The following SLC35F3 variants were observed in gnomAD, a reference collection of about 807,000 sequenced individuals.
SLC35F3 encodes putative thiamine transporter SLC35F3.
In SLC35F3, 25 loss-of-function variants were observed where a neutral mutation model predicts 49.9. The ratio of observed to expected loss-of-function variants is 0.50; its 90% confidence interval spans 0.37 to 0.70. The LOEUF (loss-of-function observed/expected upper bound fraction) is 0.70. SLC35F3 is among the 30% of genes least tolerant of loss of function. The pLI is 0.00. For missense variants in SLC35F3, 525 were observed against 639.8 expected, an observed-to-expected ratio of 0.82 and a Z score of 1.94; for synonymous variants, 275 against 265.4, an observed-to-expected ratio of 1.04 and a Z score of -0.35.
chr1:234,160,261 G>A (rs903667283), intron 2 of SLC35F3, among the ~76,000 whole-genome samples: 16 of 152,152 alleles, frequency 1.1e-4, no homozygotes, highest in Admixed American at 2.6e-4. Flanking sequence ...TTCCACTGCC[G>A]TTAATGTTGA....
chr1:234,002,481 A>G (rs1338160606), intron 2 of SLC35F3, among the ~76,000 whole-genome samples: 1 of 152,170 alleles, frequency 6.6e-6, no homozygotes, highest in African/African-American at 2.4e-5. Context: ...ACTGTCTCAC[A>G]GTAGGAATTT....
intron 6 of SLC35F3, 126 bp from the exon 7 acceptor site, chr1:234,319,972 G>A (rs1657578199): frequency 1.5e-6 from 1 of 675,372 alleles, no homozygotes; most frequent in Non-Finnish European, 2.7e-6. Context: ...CTGAATCAGA[G>A]CAGAGGGTCA....
At chr1:234,230,683 C>T (rs1667353655) in intron 2 of SLC35F3, among the ~76,000 whole-genome samples, 1 of 152,218 alleles carries the variant, frequency 6.6e-6, no homozygotes. Context: ...GCCTGGTTTC[C>T]AGAAATCACA....
chr1:234,090,724 A>T (rs75862018), intron 2 of SLC35F3, among the ~76,000 whole-genome samples: 2,748 of 152,310 alleles, frequency 0.018, 44 homozygotes, highest in Non-Finnish European at 0.028. Context: ...GTTCCTGCAC[A>T]GGCCTAGTTG....
At chr1:234,072,634 G>A (rs1161990630) in intron 2 of SLC35F3, among the ~76,000 whole-genome samples, 1 of 152,176 alleles carries the variant, frequency 6.6e-6, no homozygotes, top group Admixed American at 6.5e-5. Flanking sequence ...AAAGGGGTGG[G>A]GGGCTGTGGA....
intron 2 of SLC35F3, among the ~76,000 whole-genome samples, chr1:234,137,788 G>C (rs1167385017): frequency 6.6e-6 from 1 of 152,200 alleles, no homozygotes; most frequent in South Asian, 2.1e-4. Context: ...AGGAGAGACA[G>C]GGTCTCCACT....
chr1:234,003,722 G>C (rs1000400457), intron 2 of SLC35F3, among the ~76,000 whole-genome samples: 5 of 152,164 alleles, frequency 3.3e-5, no homozygotes, highest in African/African-American at 1.2e-4. Context: ...GCTAAGGGAA[G>C]TTGTCATGGA....
At chr1:234,166,620 C>G (rs988474768) in intron 2 of SLC35F3, among the ~76,000 whole-genome samples, 1 of 152,102 alleles carries the variant, frequency 6.6e-6, no homozygotes, top group African/African-American at 2.4e-5. Flanking sequence ...GAAGAGAGGA[C>G]CAGGTGGCCC....
At chr1:234,182,432 A>T (rs1159831136) in intron 2 of SLC35F3, among the ~76,000 whole-genome samples, 2 of 152,204 alleles carry the variant, frequency 1.3e-5, no homozygotes, top group Non-Finnish European at 2.9e-5. Flanking sequence ...AGAGACCCTG[A>T]TCTGGGCTCT....
At chr1:234,183,901 C>A (rs777072251) in intron 2 of SLC35F3, among the ~76,000 whole-genome samples, 3 of 123,626 alleles carry the variant, frequency 2.4e-5, no homozygotes, top group Non-Finnish European at 5.1e-5. Context: ...TGTTGAATAC[C>A]TGCTATGTGC....
chr1:234,231,296 C>T lies in SLC35F3; in HGVS notation c.284-121C>T. ...ACAGCCGCCCTGGAAGCCGCCCCTG[C>T]ACCCGCTATCTCCCCGGGCCCCCAG... is the stretch of plus-strand genomic sequence containing the variant. On this transcript the variant is annotated intron_variant, in intron 2 of 7. Transcript: ENST00000366618. The surrounding 1 kb of genome is among the most constrained non-coding windows in gnomAD (Gnocchi z 5.4). 2.4e-6 allele frequency: 2 copies of T among 820,192 alleles called. No homozygotes were observed. Among genetic ancestry groups the T allele is most frequent in the Non-Finnish European group, 3.7e-6 (2 of 542,036 alleles). The allele number at this position is 820,192 out of a possible 1,614,324, so 50.8% of individuals were successfully genotyped here. A position where few individuals can be genotyped will look rare whatever the true frequency, so the allele number is the denominator to read the frequency against.
At chr1:234,182,750 A>AT (rs145829454) in intron 2 of SLC35F3, among the ~76,000 whole-genome samples, 8,003 of 152,038 alleles carry the variant, frequency 0.053, 685 homozygotes, top group African/African-American at 0.18. Flanking sequence ...AAACTTTGGG[A>AT]TTTTTTCCAA....
intron 2 of SLC35F3, among the ~76,000 whole-genome samples, chr1:234,069,544 C>T (rs1298505358): frequency 6.6e-6 from 1 of 152,108 alleles, no homozygotes; most frequent in Non-Finnish European, 1.5e-5. Flanking sequence ...CATGAGCCAC[C>T]GCACCCGGCT....
intron 2 of SLC35F3, among the ~76,000 whole-genome samples, chr1:233,923,508 A>G (rs1028362311): frequency 1.3e-5 from 2 of 152,174 alleles, no homozygotes; most frequent in African/African-American, 4.8e-5. Flanking sequence ...GTATCCTGAG[A>G]CTTTGCTGAA....
intron 2 of SLC35F3, among the ~76,000 whole-genome samples, chr1:233,941,585 G>GTTTTGTGGGGTTCAAAAAACCAA (rs1291822800): frequency 7.2e-5 from 11 of 152,106 alleles, no homozygotes; most frequent in Admixed American, 2.6e-4. Flanking sequence ...GTTAATTAAA[G>GTTTTGTGGGGTTCAAAAAACCAA]TTTTGTGGGG....
chr1:234,282,649 C>T (rs935118848), intron 3 of SLC35F3, among the ~76,000 whole-genome samples: 1 of 152,190 alleles, frequency 6.6e-6, no homozygotes, highest in Non-Finnish European at 1.5e-5. Flanking sequence ...GTGTGAGCTG[C>T]TCTCACCCAG....
chr1:234,219,101 T>C (rs1667165179), intron 2 of SLC35F3, among the ~76,000 whole-genome samples: 1 of 137,246 alleles, frequency 7.3e-6, no homozygotes, highest in Non-Finnish European at 1.5e-5. Flanking sequence ...ATAACTAATA[T>C]AACTCAGTGG....
chr1:234,172,598 C>T lies in SLC35F3; in HGVS notation c.284-58819C>T, dbSNP rs144749672. Among the ~76,000 whole-genome samples, 175 of 152,284 alleles carry T rather than the reference C, an allele frequency of 1.1e-3. 3 individuals are homozygous for T. The East Asian group carries it at 0.022, about 19-fold the overall frequency. On this transcript the variant is annotated intron_variant, in intron 2 of 7. Coordinates refer to ENST00000366618, the MANE Select transcript of SLC35F3 (RefSeq NM_173508.4). ...TCATTCTGAGAAACGCATCTCTAGG[C>T]GACTTCATCATTGTGCAAACATCAT...
chr1:234,316,669 A>G lies in SLC35F3; in HGVS notation c.896A>G (p.His299Arg). The change falls in exon 5 of 8, where the codon CAC becomes CGC. Residue 299 changes from histidine (H) to arginine (R), a missense_variant. His to Arg is a conservative substitution (Grantham distance 29). Transcript: ENST00000366618. Reference sequence around the variant, plus strand: ...ACCTACGCTGATGGCTTCCACAGCCACTCCGTCATCGGCATCGCACTGGTG... The same window carrying G: ...ACCTACGCTGATGGCTTCCACAGCCGCTCCGTCATCGGCATCGCACTGGTG... ...MMTYADGFHS[H>R]SVIGIALVVA... 1.9e-6 allele frequency: 3 copies of G among 1,613,010 alleles called. No homozygotes were observed. The highest frequency in any genetic ancestry group is 2.5e-6 in the Non-Finnish European group (3 of 1,179,194).
Sources: allele counts gnomAD v4.1 joint callset (sites outside exome capture counted in the v4.1 genomes callset), GRCh38; gene constraint gnomAD v4.1.1; non-coding constraint Gnocchi (gnomAD v3.1); transcripts MANE v1.5; gene names NCBI Gene and HGNC (gene_info 2026-07-23, HGNC 2026-07-21).